Variants in GPNMB observed in about 807,000 individuals in gnomAD.
GPNMB encodes glycoprotein nmb.
GPNMB carries 71 observed loss-of-function variants against 57.3 expected under a neutral mutation model. The ratio of observed to expected loss-of-function variants is 1.24; its 90% confidence interval spans 1.02 to 1.51. GPNMB has a LOEUF of 1.51. GPNMB is among the 40% of genes most tolerant of loss of function. GPNMB has a pLI of 0.00. For missense variants in GPNMB, 677 were observed against 691.9 expected, an observed-to-expected ratio of 0.98 and a Z score of 0.24; for synonymous variants, 253 against 263.2, an observed-to-expected ratio of 0.96 and a Z score of 0.38.
At chr7:23,266,742 C>T (rs1484897557) in intron 7 of GPNMB, 127 bp downstream of exon 7, 3 of 718,048 alleles carry the variant, frequency 4.2e-6, no homozygotes, top group Non-Finnish European at 6.8e-6. Flanking sequence ...TCTAAGATGA[C>T]ACCACACATG....
rs992655513 is a variant in GPNMB at position 23,246,865 on chromosome 7, G to T, written c.8G>T (p.Cys3Phe). ...CGTCCGTGAGAATTCAGCATGGAAT[G>T]TCTCTACTATTTCCTGGGATTTCTG... is the stretch of plus-strand genomic sequence containing the variant. ME[C>F]LYYFLGFLLL... The change falls in exon 1 of 11, where the codon TGT becomes TTT. Residue 3 changes from cysteine to phenylalanine, a missense_variant. Cys to Phe is a radical substitution (Grantham distance 205, BLOSUM62 -2). Coordinates refer to ENST00000258733, the MANE Select transcript of GPNMB (RefSeq NM_002510.3). 3.3e-5 allele frequency: 53 copies of T among 1,613,510 alleles called. No individual in the cohort carries two copies. The highest frequency in any genetic ancestry group is 4.4e-5 in the Non-Finnish European group (52 of 1,179,440).
At chr7:23,266,091 G>A (rs547842602) in intron 6 of GPNMB, 1 of 160,166 alleles carries the variant, frequency 6.2e-6, no homozygotes, top group Non-Finnish European at 1.4e-5. Flanking sequence ...TGGGACTACA[G>A]GCGCCCACCA....
chr7:23,273,462 T>A (rs1046082555), intron 9 of GPNMB, 59 bp from the exon 10 acceptor site: 52 of 1,061,948 alleles, frequency 4.9e-5, no homozygotes, highest in Middle Eastern at 2.0e-4. Flanking sequence ...AATGGCATTA[T>A]AAGCGGCATG....
Position 23,260,775 on chromosome 7 carries a change from T to A in GPNMB, c.1018+2T>A, listed in dbSNP as rs1368576142. ...CTTCAAAACCCACCCCTTCTTTAGG[T>A]AAGGTTTCGCAGTGATCTTTGAGGG... On this transcript the variant is annotated splice_donor_variant, in intron 6 of 10. Transcript: ENST00000258733. LOFTEE classifies it high-confidence loss of function. 6.5e-7 allele frequency: 1 copy of A among 1,530,496 alleles called. No homozygotes were observed. The highest frequency in any genetic ancestry group is 8.8e-7 in the Non-Finnish European group (1 of 1,141,062). The allele number at this position is 1,530,496 out of a possible 1,614,324, so 94.8% of individuals were successfully genotyped here. A position where few individuals can be genotyped will look rare whatever the true frequency, so the allele number is the denominator to read the frequency against.
At chr7:23,269,670 G>A (rs1207098146) in intron 8 of GPNMB, among the ~76,000 whole-genome samples, 6 of 152,202 alleles carry the variant, frequency 3.9e-5, no homozygotes, top group Non-Finnish European at 8.8e-5. Flanking sequence ...TATAGAGGGA[G>A]TGAGCTGGGC....
intron 1 of GPNMB, among the ~76,000 whole-genome samples, chr7:23,252,078 C>T (rs1208617078): frequency 3.9e-5 from 6 of 152,046 alleles, no homozygotes; most frequent in Admixed American, 1.3e-4. Flanking sequence ...CTAGAGCAAC[C>T]ACTCAGAACA....
chr7:23,262,489 A>C (rs2128483412), intron 6 of GPNMB, among the ~76,000 whole-genome samples: 1 of 151,974 alleles, frequency 6.6e-6, no homozygotes, highest in East Asian at 1.9e-4. Flanking sequence ...CTCTTTTTCT[A>C]ATTTAACAAA....
rs183425500 is a variant in GPNMB, at chr7:23,270,191, T to G, written c.1429+16T>G. 1 of 1,584,856 alleles carries G rather than the reference T, an allele frequency of 6.3e-7. No homozygotes were observed. The highest frequency in any genetic ancestry group is 2.2e-5 in the East Asian group (1 of 44,750). Reference sequence around the variant, plus strand: ...CCTGACAGAGGTGAGTTTTGTTTTATGGCCATATGAGCATTTCATACTGCA... The same window carrying G: ...CCTGACAGAGGTGAGTTTTGTTTTAGGGCCATATGAGCATTTCATACTGCA... On this transcript the variant is annotated intron_variant, in intron 9 of 10. Transcript: ENST00000258733.
At chr7:23,256,791 G>C (rs1379565679) in intron 3 of GPNMB, 101 bp from the exon 4 acceptor site, 1 of 896,878 alleles carries the variant, frequency 1.1e-6, no homozygotes, top group East Asian at 2.4e-5. Flanking sequence ...TTTTAAACTA[G>C]TTATGAAAAA....
intron 1 of GPNMB, chr7:23,247,193 C>T (rs1244163641): frequency 2.1e-6 from 1 of 466,004 alleles, no homozygotes; most frequent in Non-Finnish European, 3.9e-6. Context: ...GCAATTGCAA[C>T]CCATTCTTGC....
intron 6 of GPNMB, among the ~76,000 whole-genome samples, chr7:23,261,220 A>G (rs1234944602): frequency 6.6e-6 from 1 of 152,154 alleles, no homozygotes; most frequent in Non-Finnish European, 1.5e-5. Context: ...GTCCATGAAA[A>G]CACAGCTGTA....
chr7:23,273,588 C>T lies in GPNMB; in HGVS notation c.1497C>T (p.Val499=). 1.1e-5 allele frequency: 17 copies of T among 1,611,926 alleles called. No homozygotes were observed. The highest frequency in any genetic ancestry group is 1.4e-5 in the Non-Finnish European group (17 of 1,177,940). Residue 499 remains valine (V), a synonymous_variant, in exon 10 of 11, where the codon GTC becomes GTT. Coordinates refer to ENST00000258733, the MANE Select transcript of GPNMB (RefSeq NM_002510.3). The part of the protein sequence containing the change: ...LISVGCLAIF[V]TVISLLVYKK... ...CCGTTGGCTGCTTGGCCATATTTGT[C>T]ACTGTGATCTCCCTCTTGGTGTACA...
chr7:23,266,417 C>T, intron 6 of GPNMB, 100 bp from the exon 7 acceptor site: 1 of 1,262,864 alleles, frequency 7.9e-7, no homozygotes, highest in Admixed American at 2.1e-5. Flanking sequence ...TGATATTTTT[C>T]TAAAAAGCAA....
intron 1 of GPNMB, among the ~76,000 whole-genome samples, chr7:23,249,766 T>C (rs1562630776): frequency 6.6e-6 from 1 of 151,944 alleles, no homozygotes; most frequent in African/African-American, 2.4e-5. Context: ...CTGCTATAAA[T>C]ATTCATGTGC....
chr7:23,259,997 T>C lies in GPNMB; in HGVS notation c.559T>C (p.Leu187=), dbSNP rs780961546. The change falls in exon 5 of 11, where the codon TTG becomes CTG. Residue 187 remains leucine, a synonymous_variant. Transcript: ENST00000258733. The part of the protein sequence containing the change: ...FHTLGQYFQK[L]GRCSVRVSVN... ...TCCCAAAGGTCAGTATTTCCAGAAA[T>C]TGGGACGATGTTCAGTGAGAGTTTC... 7.4e-6 allele frequency: 12 copies of C among 1,614,006 alleles called. No individual in the cohort carries two copies. In the Admixed American group the frequency reaches 1.0e-4, roughly 13 times the overall value.
chr7:23,253,904 C>T (rs191440506), intron 2 of GPNMB, among the ~76,000 whole-genome samples: 55 of 152,282 alleles, frequency 3.6e-4, no homozygotes, highest in African/African-American at 1.3e-3. Context: ...GTCTCCTTAA[C>T]CCAACAGAGC....
At chr7:23,269,884 C>A in intron 8 of GPNMB, 83 bp from the exon 9 acceptor site, 1 of 858,948 alleles carries the variant, frequency 1.2e-6, no homozygotes, top group Non-Finnish European at 1.9e-6. Flanking sequence ...AATGTAATGA[C>A]TTTCCCTTTG....
At chr7:23,251,476 G>A (rs1227266201) in intron 1 of GPNMB, among the ~76,000 whole-genome samples, 1 of 152,220 alleles carries the variant, frequency 6.6e-6, no homozygotes, top group Non-Finnish European at 1.5e-5. Flanking sequence ...TAACAAAATA[G>A]GTTAAGACAT....
intron 6 of GPNMB, among the ~76,000 whole-genome samples, chr7:23,261,923 A>G (rs538516602): frequency 6.6e-6 from 1 of 152,174 alleles, no homozygotes; most frequent in South Asian, 2.1e-4. Flanking sequence ...CTTCCATCTG[A>G]TTCCCCACGC....
Sources: allele counts gnomAD v4.1 joint callset (sites outside exome capture counted in the v4.1 genomes callset), GRCh38; gene constraint gnomAD v4.1.1; transcripts MANE v1.5; gene names NCBI Gene and HGNC (gene_info 2026-07-23, HGNC 2026-07-21).